PTPRK: variants seen among roughly 807,000 people sequenced by gnomAD.
PTPRK encodes the protein protein tyrosine phosphatase receptor type K, also known as receptor-type tyrosine-protein phosphatase kappa.
Under a neutral mutation model 178.0 loss-of-function variants are expected in PTPRK, and 75 were observed. That is an observed-to-expected ratio of 0.42 (90% confidence interval 0.35 to 0.51). PTPRK has a LOEUF of 0.51. Ranked by LOEUF, PTPRK falls within the 20% of genes least tolerant of loss-of-function variation. PTPRK has a pLI of 0.02. For missense variants in PTPRK, 1,441 were observed against 1,797.8 expected, an observed-to-expected ratio of 0.80 and a Z score of 3.59; for synonymous variants, 637 against 620.6, an observed-to-expected ratio of 1.03 and a Z score of -0.39.
chr6:128,067,123 T>C (rs555934448), intron 12 of PTPRK, among the ~76,000 whole-genome samples: 6 of 152,344 alleles, frequency 3.9e-5, no homozygotes, highest in Middle Eastern at 6.8e-3. Flanking sequence ...GGAACACGCA[T>C]TCTGTTTATC....
chr6:128,478,338 A>ATTGG (rs374027245), intron 1 of PTPRK, among the ~76,000 whole-genome samples: 10 of 152,204 alleles, frequency 6.6e-5, no homozygotes, highest in African/African-American at 2.2e-4. Context: ...GTGCCTAAGT[A>ATTGG]TTGGTGGCTG....
chr6:128,310,438 C>CA (rs1290492108), intron 3 of PTPRK, among the ~76,000 whole-genome samples: 10 of 151,582 alleles, frequency 6.6e-5, no homozygotes, highest in Non-Finnish European at 1.3e-4. Flanking sequence ...GATGTTTTTC[C>CA]AAAAAAACAA....
At chr6:128,395,858 G>C (rs556150005) in intron 2 of PTPRK, among the ~76,000 whole-genome samples, 2 of 152,088 alleles carry the variant, frequency 1.3e-5, no homozygotes, top group Admixed American at 6.6e-5. Flanking sequence ...CAATCACGGA[G>C]AGTGACAATT....
intron 3 of PTPRK, among the ~76,000 whole-genome samples, chr6:128,271,847 A>G (rs183715139): frequency 1.1e-4 from 16 of 152,042 alleles, no homozygotes; most frequent in South Asian, 1.0e-3. Context: ...TTGGAACAAG[A>G]GTTTTACTTA....
At chr6:128,211,286 T>G (rs1012517314) in intron 6 of PTPRK, among the ~76,000 whole-genome samples, 1 of 152,168 alleles carries the variant, frequency 6.6e-6, no homozygotes, top group South Asian at 2.1e-4. Flanking sequence ...TGTTACAATA[T>G]TTCCCTTTTT....
intron 13 of PTPRK, among the ~76,000 whole-genome samples, chr6:128,048,230 T>C (rs1479791452): frequency 6.6e-6 from 1 of 152,124 alleles, no homozygotes; most frequent in Non-Finnish European, 1.5e-5. Flanking sequence ...AAATGCAAAT[T>C]CTTGGGCCTC....
chr6:128,259,196 G>A (rs1296415654), intron 3 of PTPRK, among the ~76,000 whole-genome samples: 1 of 152,058 alleles, frequency 6.6e-6, no homozygotes, highest in African/African-American at 2.4e-5. Flanking sequence ...GCACCTTGAA[G>A]TAAAAAGACA....
chr6:128,145,234 T>C (rs1308553529), intron 7 of PTPRK, among the ~76,000 whole-genome samples: 1 of 151,986 alleles, frequency 6.6e-6, no homozygotes, highest in African/African-American at 2.4e-5. Context: ...AAGAGGGTAG[T>C]TCTTGTGTTC....
intron 7 of PTPRK, among the ~76,000 whole-genome samples, chr6:128,149,268 A>G (rs560303420): frequency 2.0e-5 from 3 of 152,006 alleles, no homozygotes; most frequent in African/African-American, 7.2e-5. Flanking sequence ...AAACCTGCAC[A>G]TTGTGCACAT....
chr6:128,200,121 A>G (rs901628279), intron 6 of PTPRK, among the ~76,000 whole-genome samples: 7 of 152,204 alleles, frequency 4.6e-5, no homozygotes, highest in African/African-American at 1.4e-4. Flanking sequence ...TACATTTCCC[A>G]GAGCATCTCT....
Position 128,519,610 on chromosome 6 carries a change from C to A in PTPRK, c.100+649G>T, listed in dbSNP as rs1300085274. ...ATGCCCATGAACGCTCAGAGTGGGT[C>A]CTTAGAACCGCATTTCAACACATCT... On this transcript the variant is annotated intron_variant, in intron 1 of 29. Transcript: ENST00000368226. The surrounding 1 kb of genome is among the most constrained non-coding windows in gnomAD (Gnocchi z 4.3). 6.6e-6 allele frequency among the ~76,000 whole-genome samples: 1 copy of A among 152,174 alleles called. No homozygotes were observed. Among genetic ancestry groups the A allele is most frequent in the Non-Finnish European group, 1.5e-5 (1 of 68,050 alleles).
chr6:128,194,404 A>G (rs1187797730), intron 6 of PTPRK, among the ~76,000 whole-genome samples: 1 of 152,120 alleles, frequency 6.6e-6, no homozygotes, highest in African/African-American at 2.4e-5. Flanking sequence ...CAATAATTTT[A>G]ACAACTTTAC....
chr6:127,972,996 T>C (rs1774112441), intron 29 of PTPRK, 26 bp downstream of exon 29: 1 of 1,610,894 alleles, frequency 6.2e-7, no homozygotes, highest in South Asian at 1.1e-5. Flanking sequence ...TAAGATGCCT[T>C]CCAAATCTAA....
intron 1 of PTPRK, among the ~76,000 whole-genome samples, chr6:128,415,972 A>C (rs1462763423): frequency 6.6e-6 from 1 of 152,180 alleles, no homozygotes; most frequent in Non-Finnish European, 1.5e-5. Context: ...GAGCTCACTA[A>C]ACCTAGTTAA....
At chr6:128,118,875 C>T (rs1284019187) in intron 7 of PTPRK, among the ~76,000 whole-genome samples, 1 of 152,138 alleles carries the variant, frequency 6.6e-6, no homozygotes. Context: ...AAAACTTTTT[C>T]GGAAGTTCTG....
intron 2 of PTPRK, among the ~76,000 whole-genome samples, chr6:128,363,810 C>G (rs541446180): frequency 6.6e-6 from 1 of 152,224 alleles, no homozygotes; most frequent in Non-Finnish European, 1.5e-5. Flanking sequence ...CTTTGTAAAT[C>G]TATTTGGAGA....
chr6:128,481,212 A>T (rs144643702), intron 1 of PTPRK, among the ~76,000 whole-genome samples: 3 of 152,102 alleles, frequency 2.0e-5, no homozygotes, highest in Non-Finnish European at 4.4e-5. Context: ...TCATTCATAC[A>T]TAGTCTTTAA....
At chr6:128,239,005 A>G (rs1222964592) in intron 5 of PTPRK, among the ~76,000 whole-genome samples, 1 of 152,114 alleles carries the variant, frequency 6.6e-6, no homozygotes, top group Non-Finnish European at 1.5e-5. Context: ...TTCATTTATT[A>G]TAACCTTTAT....
chr6:128,201,637 C>T (rs1422778328), intron 6 of PTPRK, among the ~76,000 whole-genome samples: 2 of 152,048 alleles, frequency 1.3e-5, no homozygotes, highest in Non-Finnish European at 2.9e-5. Context: ...GATGGGAGGA[C>T]TGCTTGAAGC....
Sources: allele counts gnomAD v4.1 joint callset (sites outside exome capture counted in the v4.1 genomes callset), GRCh38; gene constraint gnomAD v4.1.1; non-coding constraint Gnocchi (gnomAD v3.1); transcripts MANE v1.5; gene names NCBI Gene and HGNC (gene_info 2026-07-23, HGNC 2026-07-21).